NPAS3: variants seen among roughly 807,000 people sequenced by gnomAD.
NPAS3 encodes neuronal PAS domain-containing protein 3.
NPAS3 carries 14 observed loss-of-function variants against 73.1 expected under a neutral mutation model. The ratio of observed to expected loss-of-function variants is 0.19; its 90% CI spans 0.13 to 0.30. The LOEUF (loss-of-function observed/expected upper bound fraction) is 0.30, where lower values mean the gene tolerates loss of function less well. Among genes scored for constraint, NPAS3 ranks in the 10% least tolerant of loss-of-function variants. The pLI is 1.00. For missense variants in NPAS3, 1,096 were observed against 1,250.0 expected (o/e 0.88, Z 1.86); for synonymous variants, 620 against 541.5 (o/e 1.14, Z -2.01).
At chr14:33,348,296 T>C (rs2044846077) in intron 3 of NPAS3, among the ~76,000 whole-genome samples, 1 of 152,064 alleles carries the variant, frequency 6.6e-6, no homozygotes, top group African/African-American at 2.4e-5. Context: ...TGGGGACCCC[T>C]CAGCACCAGC....
At chr14:33,015,820 T>G (rs1363738042) in intron 1 of NPAS3, among the ~76,000 whole-genome samples, 2 of 152,226 alleles carry the variant, frequency 1.3e-5, no homozygotes, top group Non-Finnish European at 2.9e-5. Context: ...TGCTTCTTTG[T>G]ATTTTTAAAT....
chr14:33,583,111 A>G (rs953594838), intron 5 of NPAS3, among the ~76,000 whole-genome samples: 1 of 151,734 alleles, frequency 6.6e-6, no homozygotes, highest in Non-Finnish European at 1.5e-5. Context: ...AGGAAAGTGA[A>G]TAATTGTTCT....
At chr14:33,469,906 G>T (rs2050707094) in intron 4 of NPAS3, among the ~76,000 whole-genome samples, 1 of 152,166 alleles carries the variant, frequency 6.6e-6, no homozygotes, top group Non-Finnish European at 1.5e-5. Context: ...CTGCAGTTTG[G>T]GTAGTGTTTG....
intron 2 of NPAS3, among the ~76,000 whole-genome samples, chr14:33,092,138 A>G (rs1049207574): frequency 3.3e-5 from 5 of 152,202 alleles, no homozygotes; most frequent in Non-Finnish European, 7.3e-5. Context: ...AGGCAGGAGA[A>G]AGAAATAAAG....
intron 2 of NPAS3, among the ~76,000 whole-genome samples, chr14:33,057,993 A>G (rs2040950274): frequency 1.3e-5 from 2 of 152,158 alleles, no homozygotes; most frequent in South Asian, 4.1e-4. Flanking sequence ...ATTTTCTCCA[A>G]TTAAGTTTTT....
chr14:33,378,506 C>T (rs1344190529), intron 4 of NPAS3, among the ~76,000 whole-genome samples: 6 of 152,090 alleles, frequency 3.9e-5, no homozygotes, highest in African/African-American at 1.4e-4. Context: ...TATGGTGGCA[C>T]GTGCTTGTAA....
chr14:33,164,837 CTCTT>C (rs1287244938), intron 2 of NPAS3, among the ~76,000 whole-genome samples: 15 of 140,172 alleles, frequency 1.1e-4, no homozygotes, highest in Non-Finnish European at 2.1e-4. Context: ...GCACAGGTGA[CTCTT>C]TTTTTTTTTT....
intron 2 of NPAS3, among the ~76,000 whole-genome samples, chr14:33,060,338 A>G (rs1164222843): frequency 6.6e-6 from 1 of 152,176 alleles, no homozygotes; most frequent in Non-Finnish European, 1.5e-5. Flanking sequence ...CCGTATTTAG[A>G]AAAGATGGAG....
intron 3 of NPAS3, among the ~76,000 whole-genome samples, chr14:33,281,807 A>G (rs1448605547): frequency 6.6e-6 from 1 of 152,150 alleles, no homozygotes; most frequent in African/African-American, 2.4e-5. Context: ...TCTGGCTTGA[A>G]TATTACATTT....
intron 2 of NPAS3, among the ~76,000 whole-genome samples, chr14:33,210,134 A>C (rs1471728193): frequency 6.6e-6 from 1 of 152,108 alleles, no homozygotes; most frequent in Non-Finnish European, 1.5e-5. Context: ...TGAAGTGGGG[A>C]ACCGAAGTAA....
intron 2 of NPAS3, among the ~76,000 whole-genome samples, chr14:33,096,885 A>G (rs1011227634): frequency 6.6e-6 from 1 of 152,172 alleles, no homozygotes; most frequent in Non-Finnish European, 1.5e-5. Context: ...TAATATTTTA[A>G]ATGTCACTTT....
At chr14:33,310,666 G>A (rs1388261021) in intron 3 of NPAS3, among the ~76,000 whole-genome samples, 2 of 152,094 alleles carry the variant, frequency 1.3e-5, no homozygotes, top group Non-Finnish European at 2.9e-5. Flanking sequence ...TCACATAGCA[G>A]GTAATGTGTT....
Position 33,324,783 on chromosome 14 carries a change from T to C in NPAS3, c.386-42403T>C, listed in dbSNP as rs74042035. ...AATTTTGAGAACTCCTGAATACTTG[T>C]TTTTGTGTGTGTGTGTGCTTGTTAC... On this transcript the variant is annotated intron_variant, in intron 3 of 11. Transcript: ENST00000356141. 6.1e-3 allele frequency among the ~76,000 whole-genome samples: 934 copies of C among 152,256 alleles called. 9 individuals are homozygous for C. Among genetic ancestry groups the C allele is most frequent in the African/African-American group, 0.022 (894 of 41,538 alleles).
intron 2 of NPAS3, among the ~76,000 whole-genome samples, chr14:33,092,825 ACC>A (rs2042274471): frequency 6.6e-6 from 1 of 152,144 alleles, no homozygotes; most frequent in Non-Finnish European, 1.5e-5. Flanking sequence ...CACATCTACA[ACC>A]ATCTGATCTT....
chr14:33,028,362 A>G (rs909141381), intron 1 of NPAS3, among the ~76,000 whole-genome samples: 2 of 152,170 alleles, frequency 1.3e-5, no homozygotes, highest in Non-Finnish European at 2.9e-5. Context: ...CTATTTTTAA[A>G]CTGATAGATG....
chr14:33,798,348 G>A (rs2138668424), intron 11 of NPAS3, among the ~76,000 whole-genome samples: 1 of 152,200 alleles, frequency 6.6e-6, no homozygotes, highest in South Asian at 2.1e-4. Flanking sequence ...ACACACATAA[G>A]GCCAGGGAGC....
At chr14:33,181,872 A>T (rs993568999) in intron 2 of NPAS3, among the ~76,000 whole-genome samples, 4 of 152,192 alleles carry the variant, frequency 2.6e-5, no homozygotes, top group Non-Finnish European at 5.9e-5. Context: ...CCCTTTAGAA[A>T]TGCTTTTCTG....
At chr14:32,977,358 A>ACG (rs1428956784) in intron 1 of NPAS3, among the ~76,000 whole-genome samples, 131 of 150,446 alleles carry the variant, frequency 8.7e-4, no homozygotes, top group Non-Finnish European at 1.4e-3. Flanking sequence ...TCTGACACGC[A>ACG]CACACACACA....
chr14:32,991,050 T>G (rs552485640), intron 1 of NPAS3, among the ~76,000 whole-genome samples: 30 of 152,074 alleles, frequency 2.0e-4, no homozygotes, highest in Middle Eastern at 3.4e-3. Flanking sequence ...TACAGGATAG[T>G]TATATACAGT....
Sources: gnomAD v4.1 joint callset for allele counts (sites outside exome capture counted in the v4.1 genomes callset) on GRCh38, gnomAD v4.1.1 for gene constraint, MANE v1.5 for transcripts, NCBI Gene and HGNC (gene_info 2026-07-23, HGNC 2026-07-21) for gene names.